Variants in FRMD4A observed in about 807,000 individuals in gnomAD.
The protein encoded by FRMD4A is FERM domain containing 4A.
Under a neutral mutation model 129.1 loss-of-function variants are expected in FRMD4A, and 29 were observed. The ratio of observed to expected loss-of-function variants is 0.22; its 90% CI spans 0.17 to 0.31. The LOEUF (loss-of-function observed/expected upper bound fraction) is 0.31. FRMD4A is among the 10% of genes least tolerant of loss of function. The probability of loss-of-function intolerance (pLI) is 1.00; values close to 1 mark genes in which losing one functional copy is unlikely to be tolerated. For synonymous variants in FRMD4A, 634 were observed against 571.6 expected (o/e 1.11, Z -1.56); for missense variants, 1,272 against 1,375.8 (o/e 0.92, Z 1.19).
chr10:13,726,376 C>T (rs1339552711), intron 12 of FRMD4A, among the ~76,000 whole-genome samples: 2 of 152,230 alleles, frequency 1.3e-5, no homozygotes, highest in African/African-American at 4.8e-5. Context: ...CAAAACATCT[C>T]TCTCTTTTTG....
chr10:14,015,589 A>G (rs2095696683), intron 2 of FRMD4A, among the ~76,000 whole-genome samples: 1 of 152,060 alleles, frequency 6.6e-6, no homozygotes, highest in Admixed American at 6.6e-5. Context: ...GTGTTCTAGG[A>G]TAAGTGGTCA....
intron 2 of FRMD4A, among the ~76,000 whole-genome samples, chr10:14,239,420 G>T (rs1843951126): frequency 6.6e-6 from 1 of 152,184 alleles, no homozygotes; most frequent in Admixed American, 6.5e-5. Flanking sequence ...GAGGTCAGGA[G>T]ATCAAGACCA....
chr10:14,165,624 G>A (rs1035102901), intron 2 of FRMD4A, among the ~76,000 whole-genome samples: 1 of 152,134 alleles, frequency 6.6e-6, no homozygotes, highest in Non-Finnish European at 1.5e-5. Flanking sequence ...CATCAACAAC[G>A]ACTGGATAAA....
chr10:14,014,892 A>G (rs1467628215), intron 2 of FRMD4A, among the ~76,000 whole-genome samples: 1 of 151,724 alleles, frequency 6.6e-6, no homozygotes, highest in Non-Finnish European at 1.5e-5. Context: ...GGGCAGATAC[A>G]TTTTTCCCTC....
At position 14,012,017 on chromosome 10, in the gene FRMD4A, G is replaced by GA. The variant is rs112386377; in HGVS notation, c.46-153106dup. On this transcript the variant is annotated intron_variant, in intron 2 of 24. Transcript: ENST00000357447. ...GACAGCATGAGACTCTGTCTCAAAG[G>GA]AAAAAAAAAAAAAAAGAACAGCAAG... is the stretch of plus-strand genomic sequence containing the variant. Among the ~76,000 whole-genome samples, 766 of 107,582 alleles carry GA rather than the reference G, an allele frequency of 7.1e-3. 3 individuals are homozygous for GA. Among genetic ancestry groups the GA allele is most frequent in the South Asian group, 0.01 (35 of 3,342 alleles). 70.6% of individuals were successfully genotyped at this position (107,582 alleles called of 152,430 possible).
chr10:13,660,630 C>T, intron 19 of FRMD4A, 77 bp from the exon 20 acceptor site: 1 of 845,084 alleles, frequency 1.2e-6, no homozygotes, highest in Non-Finnish European at 1.9e-6. Context: ...CTACACCCCT[C>T]CACCCGCACC....
intron 2 of FRMD4A, among the ~76,000 whole-genome samples, chr10:14,141,106 T>C (rs2400042): frequency 0.37 from 55,853 of 151,672 alleles, 10,891 homozygotes; most frequent in East Asian, 0.58. Context: ...AAGCAGGAGA[T>C]GGAGAATGGA....
chr10:13,986,697 A>AT (rs907056953), intron 2 of FRMD4A, among the ~76,000 whole-genome samples: 1 of 150,260 alleles, frequency 6.7e-6, no homozygotes, highest in Non-Finnish European at 1.5e-5. Context: ...AGGAAAAAAA[A>AT]AAAAGAAAAG....
intron 2 of FRMD4A, among the ~76,000 whole-genome samples, chr10:13,922,474 G>A (rs1479991564): frequency 6.6e-6 from 1 of 152,136 alleles, no homozygotes; most frequent in South Asian, 2.1e-4. Flanking sequence ...TAAATGACTG[G>A]TTTAAGGTCA....
intron 1 of FRMD4A, 71 bp downstream of exon 1, chr10:14,330,526 C>A: frequency 2.5e-6 from 1 of 406,014 alleles, no homozygotes; most frequent in East Asian, 3.6e-5. Flanking sequence ...AATCAAGCAG[C>A]CCGAGCCACC....
At position 14,034,585 on chromosome 10, in the gene FRMD4A, G is replaced by A. The variant is rs548313386; in HGVS notation, c.46-175673C>T. ...TCAGGAGAAAATGAAATATTTTCAT[G>A]AGAGATGATCAGATCTGATCCTGGG... is the stretch of plus-strand genomic sequence containing the variant. On this transcript the variant is annotated intron_variant, in intron 2 of 24. Transcript: ENST00000357447. 4.6e-5 allele frequency among the ~76,000 whole-genome samples: 7 copies of A among 152,130 alleles called. No homozygotes were observed. In the South Asian group the frequency reaches 1.5e-3, roughly 32 times the overall value.
At chr10:13,664,342 G>C (rs2082852793) in intron 18 of FRMD4A, among the ~76,000 whole-genome samples, 1 of 152,220 alleles carries the variant, frequency 6.6e-6, no homozygotes, top group African/African-American at 2.4e-5. Context: ...GGAGGGGGCA[G>C]AGGGTCTCAA....
At chr10:13,817,905 C>T (rs1049461585) in intron 3 of FRMD4A, among the ~76,000 whole-genome samples, 1 of 152,224 alleles carries the variant, frequency 6.6e-6, no homozygotes, top group African/African-American at 2.4e-5. Context: ...GAGGTAGCAC[C>T]CAGGCACCTC....
chr10:14,091,549 T>C (rs1836663121), intron 2 of FRMD4A, among the ~76,000 whole-genome samples: 1 of 152,214 alleles, frequency 6.6e-6, no homozygotes, highest in African/African-American at 2.4e-5. Context: ...TCCTTCTGCC[T>C]CAGCCTCCTG....
intron 3 of FRMD4A, among the ~76,000 whole-genome samples, chr10:13,816,722 T>G (rs541963798): frequency 6.6e-6 from 1 of 152,352 alleles, no homozygotes; most frequent in Admixed American, 6.5e-5. Flanking sequence ...AGAATCCCGC[T>G]GAGTATAATT....
intron 14 of FRMD4A, among the ~76,000 whole-genome samples, chr10:13,701,114 G>A (rs1486120306): frequency 3.9e-5 from 6 of 152,020 alleles, no homozygotes; most frequent in East Asian, 1.9e-4. Context: ...CGGCTTGAGC[G>A]GCTCTGATGG....
intron 12 of FRMD4A, among the ~76,000 whole-genome samples, chr10:13,714,027 CATAT>C (rs1472919902): frequency 3.2e-5 from 1 of 31,170 alleles, no homozygotes; most frequent in South Asian, 9.9e-4. Context: ...ATAAAATATA[CATAT>C]ATATATATAT....
chr10:13,939,518 A>T (rs948786373), intron 2 of FRMD4A, among the ~76,000 whole-genome samples: 1 of 152,210 alleles, frequency 6.6e-6, no homozygotes, highest in African/African-American at 2.4e-5. Context: ...AGAAACTGCC[A>T]CATTTTTGAG....
intron 3 of FRMD4A, among the ~76,000 whole-genome samples, chr10:13,856,689 C>T (rs1018797393): frequency 6.6e-6 from 1 of 152,162 alleles, no homozygotes; most frequent in Admixed American, 6.5e-5. Flanking sequence ...TTCTATAAAG[C>T]AGTGGAAAGA....
Sources: allele counts gnomAD v4.1 joint callset (sites outside exome capture counted in the v4.1 genomes callset), GRCh38; gene constraint gnomAD v4.1.1; transcripts MANE v1.5; gene names NCBI Gene and HGNC (gene_info 2026-07-23, HGNC 2026-07-21).